The following NOX4 variants were observed in gnomAD, a reference collection of about 807,000 sequenced individuals.
NOX4 encodes the protein NADPH oxidase 4, also known as kidney oxidase-1.
NOX4 carries 69 observed loss-of-function variants against 87.6 expected under a neutral mutation model. The ratio of observed to expected loss-of-function variants is 0.79; its 90% CI spans 0.65 to 0.96. The LOEUF is 0.96. Among genes scored for constraint, NOX4 ranks in the 40% least tolerant of loss-of-function variants. The probability of loss-of-function intolerance (pLI) is 0.00; values close to 1 mark genes in which losing one functional copy is unlikely to be tolerated. For synonymous variants in NOX4, 275 were observed against 238.2 expected (o/e 1.15, Z -1.42); for missense variants, 680 against 681.5 (o/e 1.00, Z 0.02).
At chr11:89,383,370 A>G (rs61016679) in intron 11 of NOX4, among the ~76,000 whole-genome samples, 5,262 of 152,230 alleles carry the variant, frequency 0.035, 175 homozygotes, top group East Asian at 0.13. Context: ...CAACTTGCCC[A>G]GCAGCTACTC....
At chr11:89,584,076 T>C in the NOX4 span, among the ~76,000 whole-genome samples, 1 of 152,134 alleles carries the variant, frequency 6.6e-6, no homozygotes, top group African/African-American at 2.4e-5. Context: ...ACACAGTCTC[T>C]CCTCTTGGGT....
chr11:89,474,826 G>T (rs1441354830), intron 2 of NOX4, among the ~76,000 whole-genome samples: 2 of 151,792 alleles, frequency 1.3e-5, no homozygotes, highest in Non-Finnish European at 2.9e-5. Context: ...TAAGTACCAA[G>T]AATTCAATGG....
intron 7 of NOX4, among the ~76,000 whole-genome samples, chr11:89,424,610 T>A (rs1943275335): frequency 6.6e-6 from 1 of 152,014 alleles, no homozygotes; most frequent in Non-Finnish European, 1.5e-5. Context: ...TAAATAATTT[T>A]AATTTTTAGC....
At chr11:89,446,047 G>A (rs1489084571) in intron 4 of NOX4, among the ~76,000 whole-genome samples, 1 of 152,032 alleles carries the variant, frequency 6.6e-6, no homozygotes, top group Non-Finnish European at 1.5e-5. Flanking sequence ...TTAAAAAAAT[G>A]TGCCAAACAT....
At position 89,431,623 on chromosome 11, in the gene NOX4, G is replaced by T. The variant is rs576617957; in HGVS notation, c.548+1161C>A. Among the ~76,000 whole-genome samples the T allele has an allele frequency of 7.4e-3, 1,122 of 152,312 alleles. 14 individuals are homozygous for T. Among genetic ancestry groups the T allele is most frequent in the Non-Finnish European group, 0.013 (878 of 68,026 alleles). On this transcript the variant is annotated intron_variant, in intron 7 of 17. Transcript: ENST00000263317. Reference sequence around the variant, plus strand: ...AAATGCTCATCATCACTGGCCATCAGAGAAATGCAAATCAAAACCACAATG... The same window carrying T: ...AAATGCTCATCATCACTGGCCATCATAGAAATGCAAATCAAAACCACAATG...
chr11:89,439,871 T>C (rs374215836), intron 6 of NOX4, among the ~76,000 whole-genome samples: 189 of 152,248 alleles, frequency 1.2e-3, no homozygotes, highest in South Asian at 9.1e-3. Flanking sequence ...AGGAGACACA[T>C]TTCAAAGAAA....
chr11:89,517,813 G>A, the NOX4 span, among the ~76,000 whole-genome samples: 6 of 151,978 alleles, frequency 3.9e-5, no homozygotes, highest in Non-Finnish European at 8.8e-5. Context: ...TAAGGATTAT[G>A]TTGATCTTGT....
the NOX4 span, among the ~76,000 whole-genome samples, chr11:89,571,890 G>A: frequency 6.6e-5 from 10 of 152,198 alleles, no homozygotes; most frequent in South Asian, 1.9e-3. Context: ...TCCCTCTGAG[G>A]CTCACCTGAG....
At position 89,326,508 on chromosome 11, in the gene NOX4, T is replaced by G. The variant is rs905518385; in HGVS notation, c.*248A>C. The G allele has an allele frequency of 4.9e-5, 15 of 304,662 alleles. No individual in the cohort carries two copies. Among genetic ancestry groups the G allele is most frequent in the Non-Finnish European group, 9.1e-5 (15 of 165,326 alleles). 18.9% of individuals were successfully genotyped at this position (304,662 alleles called of 1,614,324 possible). ...ATCAACAGTGTGCATCTAACAGTTTTCTTTTAATTTGAGAACTGAAAAGTG... is the reference window on the plus strand; with the variant it reads ...ATCAACAGTGTGCATCTAACAGTTTGCTTTTAATTTGAGAACTGAAAAGTG... On this transcript the variant is annotated 3_prime_UTR_variant, in exon 18 of 18. Coordinates refer to ENST00000263317, the MANE Select transcript of NOX4 (RefSeq NM_016931.5).
chr11:89,325,944 C>CAT lies in NOX4; in HGVS notation c.*810_*811dup, dbSNP rs1250386572. The stretch of plus-strand genomic sequence containing the variant: ...GTGTGTATATATATATGTGTATATA[C>CAT]ATATATATATCCATATATATATATC... On this transcript the variant is annotated 3_prime_UTR_variant, in exon 18 of 18. Transcript: ENST00000263317. 1.5e-5 allele frequency: 2 copies of CAT among 134,278 alleles called. No homozygotes were observed. The highest frequency in any genetic ancestry group is 2.7e-5 in the African/African-American group (1 of 36,868). The allele number at this position is 134,278 out of a possible 1,614,324, so 8.3% of individuals were successfully genotyped here. A position where few individuals can be genotyped will look rare whatever the true frequency, so the allele number is the denominator to read the frequency against.
chr11:89,529,068 A>T, the NOX4 span, among the ~76,000 whole-genome samples: 2 of 152,122 alleles, frequency 1.3e-5, no homozygotes, highest in African/African-American at 4.8e-5. Flanking sequence ...AAAGTGTAGA[A>T]AGAGAAAGAA....
intron 7 of NOX4, among the ~76,000 whole-genome samples, chr11:89,427,585 C>T (rs1215233346): frequency 6.6e-6 from 1 of 152,084 alleles, no homozygotes; most frequent in Non-Finnish European, 1.5e-5. Context: ...TGACAAGCTT[C>T]AGTAGCCGAT....
chr11:89,411,480 G>C (rs1225950869), intron 8 of NOX4, among the ~76,000 whole-genome samples: 6 of 152,142 alleles, frequency 3.9e-5, no homozygotes. Flanking sequence ...CCCTGGGCCA[G>C]AGGGGAATGC....
At chr11:89,578,135 G>A in the NOX4 span, among the ~76,000 whole-genome samples, 1 of 150,574 alleles carries the variant, frequency 6.6e-6, no homozygotes, top group Non-Finnish European at 1.5e-5. Flanking sequence ...ATTTTTACAT[G>A]TGCATCATTT....
intron 8 of NOX4, among the ~76,000 whole-genome samples, chr11:89,403,001 C>T (rs916943852): frequency 2.6e-5 from 4 of 152,146 alleles, no homozygotes; most frequent in Non-Finnish European, 4.4e-5. Context: ...TGCTGATTTG[C>T]AGAGAAATGT....
At chr11:89,366,311 A>G (rs1938979517) in intron 12 of NOX4, among the ~76,000 whole-genome samples, 1 of 152,150 alleles carries the variant, frequency 6.6e-6, no homozygotes, top group South Asian at 2.1e-4. Context: ...ATCCATAAAA[A>G]GAAACCACTT....
chr11:89,391,753 A>AAAAG (rs1565229572), intron 11 of NOX4, among the ~76,000 whole-genome samples: 11 of 150,660 alleles, frequency 7.3e-5, no homozygotes, highest in African/African-American at 2.7e-4. Context: ...AAAAAAAAAA[A>AAAAG]AAAGAAAGAA....
the NOX4 span, among the ~76,000 whole-genome samples, chr11:89,556,261 G>A: frequency 1.3e-5 from 2 of 152,086 alleles, no homozygotes; most frequent in Non-Finnish European, 2.9e-5. Context: ...CTGGGAAGAA[G>A]GCATAAGGAG....
the NOX4 span, among the ~76,000 whole-genome samples, chr11:89,582,876 A>G: frequency 6.6e-6 from 1 of 152,070 alleles, no homozygotes; most frequent in African/African-American, 2.4e-5. Context: ...TGTCCTTCAG[A>G]CTGTCCTTCC....
Sources: gnomAD v4.1 joint callset for allele counts (sites outside exome capture counted in the v4.1 genomes callset) on GRCh38, gnomAD v4.1.1 for gene constraint, MANE v1.5 for transcripts, NCBI Gene and HGNC (gene_info 2026-07-23, HGNC 2026-07-21) for gene names.